DOCK3: variants seen among roughly 807,000 people sequenced by gnomAD.
The protein encoded by DOCK3 is dedicator of cytokinesis 3.
Under a neutral mutation model 265.6 loss-of-function variants are expected in DOCK3, and 60 were observed. That is an observed-to-expected ratio of 0.23 (90% CI 0.18 to 0.28). The LOEUF is 0.28. Among genes scored for constraint, DOCK3 ranks in the 10% least tolerant of loss-of-function variants. The pLI is 1.00. For synonymous variants in DOCK3, 881 were observed against 938.0 expected, an observed-to-expected ratio of 0.94 and a Z score of 1.11; for missense variants, 1,981 against 2,594.3, an observed-to-expected ratio of 0.76 and a Z score of 5.14.
In DOCK3 at chr3:51,118,919, CTT is replaced by C. The variant is rs1412211563; in HGVS notation, c.747-27628_747-27627del. Among the ~76,000 whole-genome samples, 3 of 152,110 alleles carry C rather than the reference CTT, an allele frequency of 2.0e-5. No homozygotes were observed. The East Asian group carries it at 5.8e-4, about 29-fold the overall frequency. On this transcript the variant is annotated intron_variant, in intron 9 of 52. Coordinates refer to ENST00000266037, the MANE Select transcript of DOCK3 (RefSeq NM_004947.5). ...TATAGCACACTGATGGGTCTTGACA[CTT>C]TATCCAGTTTGCCAGTCTGTGCCTT...
chr3:51,315,268 C>T (rs992668608), intron 32 of DOCK3, 140 bp downstream of exon 32: 2 of 1,126,028 alleles, frequency 1.8e-6, no homozygotes. Flanking sequence ...AGGGTTTTCC[C>T]TTACTTGCTG....
At chr3:50,980,186 A>G (rs1359294899) in intron 5 of DOCK3, among the ~76,000 whole-genome samples, 1 of 152,126 alleles carries the variant, frequency 6.6e-6, no homozygotes, top group Non-Finnish European at 1.5e-5. Context: ...AATTTTATTA[A>G]ATGCTTTTTC....
At chr3:51,298,297 C>A (rs2082207008) in intron 27 of DOCK3, among the ~76,000 whole-genome samples, 1 of 152,186 alleles carries the variant, frequency 6.6e-6, no homozygotes, top group South Asian at 2.1e-4. Flanking sequence ...AATGATGTCA[C>A]TTCTTTTGTT....
At chr3:51,068,498 C>T (rs981148235) in intron 6 of DOCK3, among the ~76,000 whole-genome samples, 27 of 146,196 alleles carry the variant, frequency 1.8e-4, no homozygotes, top group African/African-American at 5.8e-4. Flanking sequence ...CGAGGTTGCG[C>T]CACTGCACTC....
At chr3:50,867,160 C>T (rs2047182370) in intron 3 of DOCK3, among the ~76,000 whole-genome samples, 1 of 151,886 alleles carries the variant, frequency 6.6e-6, no homozygotes, top group South Asian at 2.1e-4. Flanking sequence ...CTTTGGTTAC[C>T]TCATAGATTT....
intron 4 of DOCK3, among the ~76,000 whole-genome samples, chr3:50,905,241 G>C (rs2049421172): frequency 6.6e-6 from 1 of 152,120 alleles, no homozygotes; most frequent in Non-Finnish European, 1.5e-5. Context: ...TCTTGGCAAT[G>C]TGGGCCCTTT....
At chr3:50,784,947 A>G (rs2042108972) in intron 2 of DOCK3, among the ~76,000 whole-genome samples, 1 of 152,192 alleles carries the variant, frequency 6.6e-6, no homozygotes, top group South Asian at 2.1e-4. Context: ...ACCTGAGGTC[A>G]GGAGTTTGAG....
intron 5 of DOCK3, among the ~76,000 whole-genome samples, chr3:50,968,185 T>G (rs1270226501): frequency 1.3e-5 from 2 of 152,202 alleles, no homozygotes; most frequent in Non-Finnish European, 2.9e-5. Context: ...TTCATTTTTC[T>G]TTTGAGACAA....
intron 5 of DOCK3, among the ~76,000 whole-genome samples, chr3:51,011,866 A>C (rs1008899532): frequency 6.6e-6 from 1 of 152,164 alleles, no homozygotes; most frequent in Non-Finnish European, 1.5e-5. Flanking sequence ...GCTGCAGGTC[A>C]GTTGGAGTTT....
chr3:51,277,168 A>G (rs1340485869), intron 25 of DOCK3, among the ~76,000 whole-genome samples: 1 of 152,222 alleles, frequency 6.6e-6, no homozygotes, highest in Non-Finnish European at 1.5e-5. Flanking sequence ...CATTAGTGCT[A>G]TGCACTAGTG....
At position 50,869,342 on chromosome 3, in the gene DOCK3, ATTTTTTTTTTTTT is replaced by A. The variant is rs755531254; in HGVS notation, c.163-20648_163-20636del. 7.1e-4 allele frequency among the ~76,000 whole-genome samples: 50 copies of A among 70,098 alleles called. 14 individuals carry two copies. The highest frequency in any genetic ancestry group is 8.4e-4 in the Admixed American group (5 of 5,968). 46.0% of individuals were successfully genotyped at this position (70,098 alleles called of 152,430 possible). On this transcript the variant is annotated intron_variant, in intron 3 of 52. Transcript: ENST00000266037. The stretch of plus-strand genomic sequence containing the variant: ...TCAATTTTATTTATTTCTGCTGGGA[ATTTTTTTTTTTTT>A]TTTTTTTTTTTTTTTTTTTTTTTTT...
intron 9 of DOCK3, among the ~76,000 whole-genome samples, chr3:51,106,032 T>C (rs7639161): frequency 0.9 from 137,248 of 152,302 alleles, 62,037 homozygotes; most frequent in African/African-American, 0.95. Context: ...AGAACTCTGG[T>C]CAGGGTGGAG....
chr3:50,853,518 G>C (rs577943617), intron 3 of DOCK3, among the ~76,000 whole-genome samples: 2 of 151,934 alleles, frequency 1.3e-5, no homozygotes, highest in Non-Finnish European at 2.9e-5. Flanking sequence ...TTCATGTTAC[G>C]TGTACTCATT....
At chr3:50,962,464 C>T (rs575151548) in intron 5 of DOCK3, among the ~76,000 whole-genome samples, 1 of 152,114 alleles carries the variant, frequency 6.6e-6, no homozygotes, top group Non-Finnish European at 1.5e-5. Flanking sequence ...TCTCACTTCC[C>T]AGTTTTCATG....
At chr3:50,841,743 C>CTTTTTCTTTTTCTTTTTTT in intron 3 of DOCK3, 28 bp downstream of exon 3, 1 of 483,404 alleles carries the variant, frequency 2.1e-6, no homozygotes, top group Non-Finnish European at 3.4e-6. Context: ...GTTACCTTTT[C>CTTTTTCTTTTTCTTTTTTT]TAATGTAGGA....
At chr3:50,693,170 A>C (rs1391092064) in intron 1 of DOCK3, among the ~76,000 whole-genome samples, 1 of 152,114 alleles carries the variant, frequency 6.6e-6, no homozygotes, top group Non-Finnish European at 1.5e-5. Context: ...GAGTCCTCCA[A>C]CTTTGTTCTA....
chr3:51,105,564 A>G (rs888080744), intron 9 of DOCK3, among the ~76,000 whole-genome samples: 3 of 152,242 alleles, frequency 2.0e-5, no homozygotes, highest in Non-Finnish European at 4.4e-5. Context: ...TTGTATCTAT[A>G]TATAATGGAA....
chr3:50,864,969 G>A (rs931210317), intron 3 of DOCK3, among the ~76,000 whole-genome samples: 2 of 149,990 alleles, frequency 1.3e-5, no homozygotes. Flanking sequence ...TTTCCTTTCT[G>A]TGAGGAGTGT....
chr3:51,280,079 TAA>T (rs1343865964), intron 26 of DOCK3, 25 bp from the exon 27 acceptor site: 8 of 1,605,010 alleles, frequency 5.0e-6, no homozygotes, highest in Non-Finnish European at 6.8e-6. Context: ...TTGGCCATGC[TAA>T]GTGTTTTTTT....
Sources: allele counts gnomAD v4.1 joint callset (sites outside exome capture counted in the v4.1 genomes callset), GRCh38; gene constraint gnomAD v4.1.1; transcripts MANE v1.5; gene names NCBI Gene and HGNC (gene_info 2026-07-23, HGNC 2026-07-21).